The following TMOD1 variants were observed in gnomAD, a reference collection of about 807,000 sequenced individuals.
TMOD1 encodes tropomodulin 1, also known as tropomodulin-1.
Under a neutral mutation model 40.6 loss-of-function variants are expected in TMOD1, and 17 were observed. The ratio of observed to expected loss-of-function variants is 0.42; its 90% confidence interval spans 0.29 to 0.63. TMOD1 has a LOEUF of 0.63. TMOD1 is among the 20% of genes least tolerant of loss of function. The probability of loss-of-function intolerance (pLI) is 0.22; values close to 1 mark genes in which losing one functional copy is unlikely to be tolerated. For synonymous variants in TMOD1, 181 were observed against 175.0 expected (o/e 1.03, Z -0.27); for missense variants, 391 against 447.6 (o/e 0.87, Z 1.14).
At chr9:97,531,041 C>CG (rs563049811) in intron 2 of TMOD1, among the ~76,000 whole-genome samples, 2 of 136,736 alleles carry the variant, frequency 1.5e-5, no homozygotes, top group South Asian at 5.2e-4. Flanking sequence ...ACACCCACCC[C>CG]CCCCACCACC....
At chr9:97,539,737 C>G (rs1019230224) in intron 2 of TMOD1, among the ~76,000 whole-genome samples, 1 of 152,030 alleles carries the variant, frequency 6.6e-6, no homozygotes, top group African/African-American at 2.4e-5. Flanking sequence ...GAGGCCGAGG[C>G]GGGCGGATCA....
chr9:97,516,357 T>C (rs1829808764), intron 1 of TMOD1: 1 of 152,426 alleles, frequency 6.6e-6, no homozygotes, highest in Non-Finnish European at 1.5e-5. Flanking sequence ...TCTTTAGAGC[T>C]TCCTACAGAG....
At chr9:97,561,339 T>C (rs1191393001) in intron 4 of TMOD1, among the ~76,000 whole-genome samples, 6 of 152,200 alleles carry the variant, frequency 3.9e-5, no homozygotes, top group Non-Finnish European at 4.4e-5. Context: ...CAGAGGGTTA[T>C]TGGGCAGATC....
chr9:97,539,190 T>G (rs1047562900), intron 2 of TMOD1, among the ~76,000 whole-genome samples: 12 of 152,228 alleles, frequency 7.9e-5, no homozygotes, highest in African/African-American at 2.9e-4. Context: ...CACATAGCAT[T>G]CATTTAGCAG....
Position 97,568,990 on chromosome 9 carries a change from G to GC in TMOD1, c.826dup (p.Leu276ProfsTer13). On this transcript the variant is annotated frameshift_variant, in exon 8 of 10. Coordinates refer to ENST00000259365, the MANE Select transcript of TMOD1 (RefSeq NM_003275.4). LOFTEE classifies it high-confidence loss of function. ...AGCTGGGATTCTGCGCCTGGTAGAA[G>GC]CCCTCCCATACAACACTTCTCTGGT... 1 of 1,614,190 alleles carries GC rather than the reference G, an allele frequency of 6.2e-7. No homozygotes were observed. The highest frequency in any genetic ancestry group is 8.5e-7 in the Non-Finnish European group (1 of 1,180,036).
chr9:97,521,283 T>C (rs1260585564), intron 1 of TMOD1, among the ~76,000 whole-genome samples: 1 of 152,200 alleles, frequency 6.6e-6, no homozygotes. Flanking sequence ...CTCCATTGTA[T>C]ACCCACATAC....
rs1422827790 is a variant in TMOD1, at chr9:97,502,369, G to C, written c.-49+566G>C. Among the ~76,000 whole-genome samples the C allele has an allele frequency of 6.6e-6, 1 of 152,224 alleles. No individual in the cohort carries two copies. The highest frequency in any genetic ancestry group is 1.9e-4 in the East Asian group (1 of 5,174). ...AGGTGAAGTTTCCCAAACTGGGAGAGACAAGGTTTAAAGCACCACGACACG... is the reference window on the plus strand; with the variant it reads ...AGGTGAAGTTTCCCAAACTGGGAGACACAAGGTTTAAAGCACCACGACACG... On this transcript the variant is annotated intron_variant, in intron 1 of 9. Coordinates refer to ENST00000259365, the MANE Select transcript of TMOD1 (RefSeq NM_003275.4). This position sits in a 1 kb window ranked among gnomAD's most constrained non-coding sequence, Gnocchi z 6.1.
chr9:97,592,129 T>G (rs922979294), intron 9 of TMOD1, among the ~76,000 whole-genome samples: 1 of 152,182 alleles, frequency 6.6e-6, no homozygotes, highest in Non-Finnish European at 1.5e-5. Context: ...GAATGAAGTT[T>G]GAGCAATCAT....
At chr9:97,576,919 G>A (rs373032617) in intron 8 of TMOD1, among the ~76,000 whole-genome samples, 48 of 152,300 alleles carry the variant, frequency 3.2e-4, no homozygotes, top group African/African-American at 8.7e-4. Context: ...GATTACAGGC[G>A]TGAGCCATCG....
At chr9:97,561,734 G>A (rs2131264020) in intron 4 of TMOD1, among the ~76,000 whole-genome samples, 1 of 152,280 alleles carries the variant, frequency 6.6e-6, no homozygotes, top group South Asian at 2.1e-4. Flanking sequence ...GCAGCACAGA[G>A]CAGCTGGAAA....
chr9:97,543,555 T>C (rs1830307853), intron 2 of TMOD1, among the ~76,000 whole-genome samples: 1 of 152,236 alleles, frequency 6.6e-6, no homozygotes, highest in Admixed American at 6.5e-5. Context: ...TTTACAGCCA[T>C]GGAAACTGAG....
chr9:97,593,238 G>T lies in TMOD1; in HGVS notation c.1015+1803G>T, dbSNP rs559067654. Among the ~76,000 whole-genome samples, 22 of 152,298 alleles carry T rather than the reference G, an allele frequency of 1.4e-4. No individual in the cohort carries two copies. The East Asian group carries it at 4.1e-3, about 28-fold the overall frequency. ...GGATAGAGGCTCTAGATGAGCAGAGGTCACAGGTGCTGCAGGGGGATACCA... is the reference window on the plus strand; with the variant it reads ...GGATAGAGGCTCTAGATGAGCAGAGTTCACAGGTGCTGCAGGGGGATACCA... On this transcript the variant is annotated intron_variant, in intron 9 of 9. Coordinates refer to ENST00000259365, the MANE Select transcript of TMOD1 (RefSeq NM_003275.4).
intron 4 of TMOD1, among the ~76,000 whole-genome samples, chr9:97,560,291 A>G (rs527591161): frequency 6.6e-6 from 1 of 152,282 alleles, no homozygotes; most frequent in Admixed American, 6.5e-5. Flanking sequence ...ATTCTGAGGC[A>G]TACACCAGGT....
intron 9 of TMOD1, among the ~76,000 whole-genome samples, chr9:97,594,919 G>A (rs1290882602): frequency 6.6e-6 from 1 of 152,166 alleles, no homozygotes; most frequent in East Asian, 1.9e-4. Context: ...CTGAATTGCA[G>A]CCTGTGAGTT....
At chr9:97,523,913 T>C (rs1011794518) in intron 1 of TMOD1, among the ~76,000 whole-genome samples, 4 of 152,272 alleles carry the variant, frequency 2.6e-5, no homozygotes, top group Admixed American at 6.5e-5. Flanking sequence ...TTAATGTCCA[T>C]GCCAATTCTA....
At chr9:97,586,182 T>C (rs368663766) in intron 8 of TMOD1, among the ~76,000 whole-genome samples, 30 of 152,084 alleles carry the variant, frequency 2.0e-4, no homozygotes, top group African/African-American at 6.5e-4. Context: ...GATGGGTTTT[T>C]GGTGTGGATG....
At chr9:97,555,135 C>T (rs372284527) in intron 4 of TMOD1, among the ~76,000 whole-genome samples, 11 of 152,304 alleles carry the variant, frequency 7.2e-5, no homozygotes, top group African/African-American at 2.6e-4. Context: ...CACTTAACTC[C>T]GGAACCTAGT....
At chr9:97,577,115 C>T (rs148928211) in intron 8 of TMOD1, among the ~76,000 whole-genome samples, 1 of 149,124 alleles carries the variant, frequency 6.7e-6, no homozygotes, top group Non-Finnish European at 1.5e-5. Flanking sequence ...GAGTTCTTTC[C>T]CAACCATCCT....
chr9:97,547,930 A>T (rs547679441), intron 3 of TMOD1, among the ~76,000 whole-genome samples: 1 of 152,354 alleles, frequency 6.6e-6, no homozygotes, highest in East Asian at 1.9e-4. Context: ...GAGTTGTTGG[A>T]TGAATGGATG....
Sources: gnomAD v4.1 joint callset for allele counts (sites outside exome capture counted in the v4.1 genomes callset) on GRCh38, gnomAD v4.1.1 for gene constraint, Gnocchi (gnomAD v3.1) non-coding constraint, MANE v1.5 for transcripts, NCBI Gene and HGNC (gene_info 2026-07-23, HGNC 2026-07-21) for gene names.